KRT73: variants seen among roughly 807,000 people sequenced by gnomAD.
KRT73 encodes keratin 73, also known as keratin, type II cytoskeletal 73.
Under a neutral mutation model 47.2 loss-of-function variants are expected in KRT73, and 44 were observed. The ratio of observed to expected loss-of-function variants is 0.93; its 90% CI spans 0.73 to 1.20. KRT73 has a LOEUF of 1.20. Among genes scored for constraint, KRT73 ranks in the 50% most tolerant of loss-of-function variants. The pLI is 0.00. For synonymous variants in KRT73, 285 were observed against 291.3 expected (o/e 0.98, Z 0.22); for missense variants, 713 against 704.5 (o/e 1.01, Z -0.14).
upstream of KRT73, among the ~76,000 whole-genome samples, chr12:52,622,806 A>G (rs184436325): frequency 5.9e-5 from 9 of 152,318 alleles, no homozygotes; most frequent in South Asian, 2.1e-4. Context: ...GAAGTTTTAG[A>G]ACTAAGAAAT....
chr12:52,622,100 G>A (rs1424166367), upstream of KRT73, among the ~76,000 whole-genome samples: 1 of 152,114 alleles, frequency 6.6e-6, no homozygotes, highest in Non-Finnish European at 1.5e-5. Context: ...ATCACTCATT[G>A]TGCCAAGAAC....
chr12:52,611,369 G>A (rs1205651617), intron 5 of KRT73, 40 bp from the exon 6 acceptor site: 1 of 1,612,290 alleles, frequency 6.2e-7, no homozygotes, highest in African/African-American at 1.3e-5. Context: ...CTGACTCAGG[G>A]CTTGGCTGGG....
At chr12:52,625,773 T>G in the KRT73 span, among the ~76,000 whole-genome samples, 2 of 152,158 alleles carry the variant, frequency 1.3e-5, no homozygotes, top group Non-Finnish European at 2.9e-5. Flanking sequence ...TACATTCATG[T>G]CATAGAGTAC....
the KRT73 span, among the ~76,000 whole-genome samples, chr12:52,629,790 T>G: frequency 1.3e-5 from 2 of 152,182 alleles, no homozygotes; most frequent in African/African-American, 2.4e-5. Flanking sequence ...TAATTCATAA[T>G]TCAATCTCAG....
chr12:52,614,517 T>C, intron 4 of KRT73, 62 bp downstream of exon 4: 5 of 1,399,790 alleles, frequency 3.6e-6, no homozygotes, highest in East Asian at 2.3e-5. Flanking sequence ...AGTAAGAAAC[T>C]GTTCATCACA....
upstream of KRT73, among the ~76,000 whole-genome samples, chr12:52,622,419 C>T (rs967510458): frequency 6.6e-6 from 1 of 152,296 alleles, no homozygotes; most frequent in Middle Eastern, 3.4e-3. Context: ...GAAGAACCCC[C>T]TCTCCTCCCC....
chr12:52,613,424 TG>T, intron 5 of KRT73: 1 of 396,864 alleles, frequency 2.5e-6, no homozygotes, highest in Non-Finnish European at 4.2e-6. Flanking sequence ...CTGCCCCACC[TG>T]GTCCTAGTTC....
chr12:52,630,747 G>T, the KRT73 span, among the ~76,000 whole-genome samples: 448 of 152,102 alleles, frequency 2.9e-3, 4 homozygotes, highest in Admixed American at 0.028. Flanking sequence ...TCAGCTCATC[G>T]ACCTCCATCT....
At chr12:52,617,293 A>G (rs1940833787) in intron 1 of KRT73, among the ~76,000 whole-genome samples, 1 of 151,920 alleles carries the variant, frequency 6.6e-6, no homozygotes, top group Admixed American at 6.6e-5. Context: ...CCTTCCTACC[A>G]CTTTGTTCCT....
At chr12:52,613,658 A>G in intron 5 of KRT73, 30 bp downstream of exon 5, 2 of 1,612,902 alleles carry the variant, frequency 1.2e-6, no homozygotes, top group Non-Finnish European at 1.7e-6. Flanking sequence ...GGCCCTGCAT[A>G]CTTCACTATG....
Position 52,608,116 on chromosome 12 carries a change from G to T in KRT73, c.*80C>A, listed in dbSNP as rs1199557787. ...GCAAGAAGGAGATGAGGACAAATGAGACAGAGGAATTTCCTAGAAGAGTCC... is the reference window on the plus strand; with the variant it reads ...GCAAGAAGGAGATGAGGACAAATGATACAGAGGAATTTCCTAGAAGAGTCC... On this transcript the variant is annotated 3_prime_UTR_variant, in exon 9 of 9. Coordinates refer to ENST00000305748, the MANE Select transcript of KRT73 (RefSeq NM_175068.3). 9 of 1,454,968 alleles carry T rather than the reference G, an allele frequency of 6.2e-6. No individual in the cohort carries two copies. In the East Asian group the frequency reaches 2.1e-4, roughly 34 times the overall value. 90.1% of individuals were successfully genotyped at this position (1,454,968 alleles called of 1,614,324 possible). A position where few individuals can be genotyped will look rare whatever the true frequency, so the allele number is the denominator to read the frequency against.
rs748640662 is a variant in KRT73 at position 52,618,377 on chromosome 12, T to G, written c.148A>C (p.Ser50Arg). 4 of 1,614,044 alleles carry G rather than the reference T, an allele frequency of 2.5e-6. No homozygotes were observed. Among genetic ancestry groups the G allele is most frequent in the Non-Finnish European group, 3.4e-6 (4 of 1,180,054 alleles). The change falls in exon 1 of 9, where the codon AGC becomes CGC. Residue 50 changes from serine to arginine, a missense_variant. Coordinates refer to ENST00000305748, the MANE Select transcript of KRT73 (RefSeq NM_175068.3). ...SGGFSSRSLY[S>R]LGGARSISFN... ...GAGATGCTCCGGGCACCCCCCAGGC[T>G]GTAAAGGCTCCGACTGCTGAAGCCT...
upstream of KRT73, among the ~76,000 whole-genome samples, chr12:52,622,791 A>G (rs937741133): frequency 1.1e-4 from 16 of 152,234 alleles, no homozygotes; most frequent in African/African-American, 3.9e-4. Flanking sequence ...CTGGATCTTT[A>G]AATGGAAGTT....
the KRT73 span, among the ~76,000 whole-genome samples, chr12:52,625,517 C>T: frequency 6.6e-6 from 1 of 152,258 alleles, no homozygotes; most frequent in Admixed American, 6.5e-5. Context: ...GAAACTAGAG[C>T]ACTCATATAT....
the KRT73 span, among the ~76,000 whole-genome samples, chr12:52,627,047 C>A: frequency 6.6e-6 from 1 of 152,216 alleles, no homozygotes. Context: ...ACCATTTCAA[C>A]CATTTATGGT....
At chr12:52,609,332 T>G in intron 7 of KRT73, 51 bp from the exon 8 acceptor site, 1 of 1,483,754 alleles carries the variant, frequency 6.7e-7, no homozygotes, top group Non-Finnish European at 9.4e-7. Flanking sequence ...ACTCCCATAG[T>G]GGCCCTCACT....
At chr12:52,615,434 T>C in intron 2 of KRT73, 95 bp from the exon 3 acceptor site, 1 of 984,576 alleles carries the variant, frequency 1.0e-6, no homozygotes, top group South Asian at 1.5e-5. Context: ...CCATATTATA[T>C]GCCTTTTAAG....
upstream of KRT73, among the ~76,000 whole-genome samples, chr12:52,623,178 GAC>G (rs1469347643): frequency 7.2e-5 from 11 of 152,152 alleles, no homozygotes; most frequent in African/African-American, 2.7e-4. Flanking sequence ...TTCATACCTA[GAC>G]ATATTATAGT....
Position 52,609,260 on chromosome 12 carries a change from G to A in KRT73, c.1353C>T (p.Asn451=), listed in dbSNP as rs1241141268. 3.7e-6 allele frequency: 6 copies of A among 1,613,718 alleles called. No individual in the cohort carries two copies. The highest frequency in any genetic ancestry group is 3.3e-5 in the Admixed American group (2 of 60,030). The change falls in exon 8 of 9, where the codon AAC becomes AAT. Residue 451 remains asparagine, a synonymous_variant. Transcript: ENST00000305748. The part of the protein sequence containing the change: ...EECRMSGEYT[N]SVSISVINSS... ...TGAAATACTCACAAATGCTCACGGA[G>A]TTGGTATATTCTCCGGACATCCTGC...
Sources: gnomAD v4.1 joint callset for allele counts (sites outside exome capture counted in the v4.1 genomes callset) on GRCh38, gnomAD v4.1.1 for gene constraint, MANE v1.5 for transcripts, NCBI Gene and HGNC (gene_info 2026-07-23, HGNC 2026-07-21) for gene names.